Variants in AQP11 observed in about 807,000 individuals in gnomAD.
AQP11 encodes the protein aquaporin-11.
Under a neutral mutation model 21.1 loss-of-function variants are expected in AQP11, and 20 were observed. That is an observed-to-expected ratio of 0.95 (90% CI 0.67 to 1.38). The LOEUF (loss-of-function observed/expected upper bound fraction) is 1.38. Ranked by LOEUF, AQP11 falls within the 40% of genes most tolerant of loss-of-function variation. AQP11 has a pLI of 0.00. For synonymous variants in AQP11, 167 were observed against 150.1 expected, an observed-to-expected ratio of 1.11 and a Z score of -0.82; for missense variants, 339 against 340.4, an observed-to-expected ratio of 1.00 and a Z score of 0.03.
intron 1 of AQP11, among the ~76,000 whole-genome samples, chr11:77,599,713 T>C (rs1052452155): frequency 1.8e-4 from 27 of 151,818 alleles, no homozygotes; most frequent in African/African-American, 6.3e-4. Flanking sequence ...GCCTCCCGAG[T>C]AGCTGGGACC....
chr11:77,594,311 A>G (rs183404684), intron 1 of AQP11, among the ~76,000 whole-genome samples: 4 of 152,212 alleles, frequency 2.6e-5, no homozygotes. Flanking sequence ...CAGGTTTTCT[A>G]ATTTTAAGAC....
At chr11:77,596,501 T>TATATATGTGTAAATATATATGTAA (rs1554976410) in intron 1 of AQP11, among the ~76,000 whole-genome samples, 5 of 116,636 alleles carry the variant, frequency 4.3e-5, no homozygotes, top group Non-Finnish European at 6.7e-5. Flanking sequence ...TATGTGTAAA[T>TATATATGTGTAAATATATATGTAA]ATATATGTGT....
chr11:77,606,342 A>C (rs375452198), intron 2 of AQP11, among the ~76,000 whole-genome samples: 1 of 152,312 alleles, frequency 6.6e-6, no homozygotes, highest in South Asian at 2.1e-4. Flanking sequence ...CTCACGATAG[A>C]TAAAAAAGGA....
chr11:77,599,915 C>T (rs1392766479), intron 1 of AQP11, among the ~76,000 whole-genome samples: 2 of 152,032 alleles, frequency 1.3e-5, no homozygotes, highest in Middle Eastern at 3.4e-3. Context: ...ATTTACTATA[C>T]ATATAGATAA....
Position 77,590,212 on chromosome 11 carries a change from CA to C in AQP11, c.221del (p.His74ProfsTer6). 3.1e-6 allele frequency: 5 copies of C among 1,593,968 alleles called. No homozygotes were observed. The highest frequency in any genetic ancestry group is 4.3e-6 in the Non-Finnish European group (5 of 1,170,390). ...ACTGCTGAGCGAACAGCACCCCGCGCACCCCACCTGGACGCTGACGCTCGTC... is the reference window on the plus strand; with the variant it reads ...ACTGCTGAGCGAACAGCACCCCGCGCCCCCACCTGGACGCTGACGCTCGTC... ...LQLLSEQHPA[H>X]PTWTLTLVYF... On this transcript the variant is annotated frameshift_variant, in exon 1 of 3. Coordinates refer to ENST00000313578, the MANE Select transcript of AQP11 (RefSeq NM_173039.3). LOFTEE classifies it high-confidence loss of function.
chr11:77,596,552 ATATATATATATG>A (rs1305870846), intron 1 of AQP11, among the ~76,000 whole-genome samples: 1 of 127,034 alleles, frequency 7.9e-6, no homozygotes, highest in African/African-American at 3.2e-5. Context: ...ATATATATAT[ATATATATATATG>A]TATGTAATGG....
chr11:77,590,265 G>A lies in AQP11; in HGVS notation c.273G>A (p.Leu91=). Residue 91 remains leucine, a synonymous_variant, in exon 1 of 3, where the codon CTG becomes CTA. Transcript: ENST00000313578. Reference sequence around the variant, plus strand: ...ACTTCTTCTCGCTTGTGCATGGCCTGACTCTGGTGGGCACGTCCAGCAACC... The same window carrying A: ...ACTTCTTCTCGCTTGTGCATGGCCTAACTCTGGTGGGCACGTCCAGCAACC... ...LVYFFSLVHG[L]TLVGTSSNPC... 2 of 1,602,938 alleles carry A rather than the reference G, an allele frequency of 1.2e-6. No homozygotes were observed. Among genetic ancestry groups the A allele is most frequent in the Admixed American group, 1.7e-5 (1 of 59,312 alleles).
At chr11:77,605,150 A>G (rs1958836712) in intron 2 of AQP11, among the ~76,000 whole-genome samples, 2 of 152,164 alleles carry the variant, frequency 1.3e-5, no homozygotes, top group South Asian at 4.1e-4. Flanking sequence ...CTGAGATCGC[A>G]CCACTGCACT....
At chr11:77,596,560 A>ATATATG (rs1554976434) in intron 1 of AQP11, among the ~76,000 whole-genome samples, 1 of 133,090 alleles carries the variant, frequency 7.5e-6, no homozygotes, top group Non-Finnish European at 1.6e-5. Context: ...ATATATATAT[A>ATATATG]TATGTATGTA....
At chr11:77,604,461 G>A (rs954777886) in intron 2 of AQP11, among the ~76,000 whole-genome samples, 2 of 152,136 alleles carry the variant, frequency 1.3e-5, no homozygotes, top group African/African-American at 2.4e-5. Context: ...AAAGTTATCA[G>A]CATTTATTGA....
chr11:77,609,231 T>C (rs1958863448), intron 2 of AQP11, 67 bp from the exon 3 acceptor site: 6 of 1,203,894 alleles, frequency 5.0e-6, no homozygotes, highest in Non-Finnish European at 2.4e-6. Context: ...TTTTAAAATA[T>C]ACCCACCTAG....
Position 77,590,320 on chromosome 11 carries a change from G to T in AQP11, c.328G>T (p.Gly110Trp). 1 of 1,609,878 alleles carries T rather than the reference G, an allele frequency of 6.2e-7. No homozygotes were observed. Among genetic ancestry groups the T allele is most frequent in the Admixed American group, 1.7e-5 (1 of 59,852 alleles). ...CGGCGTGATGATGCAGATGATGCTG[G>T]GGGGCATGTCCCCCGAGACGGGTGC... Reference protein sequence around the residue: ...PCGVMMQMMLGGMSPETGAVR... With the variant: ...PCGVMMQMMLWGMSPETGAVR... Residue 110 changes from glycine to tryptophan, a missense_variant, in exon 1 of 3, where the codon GGG becomes TGG. Transcript: ENST00000313578.
chr11:77,595,280 G>T (rs1159570193), intron 1 of AQP11, among the ~76,000 whole-genome samples: 1 of 152,154 alleles, frequency 6.6e-6, no homozygotes, highest in Non-Finnish European at 1.5e-5. Context: ...GGCAGAGGTT[G>T]CAGTGAGCTG....
intron 1 of AQP11, among the ~76,000 whole-genome samples, chr11:77,593,514 G>GT (rs1207670687): frequency 1.3e-5 from 2 of 152,138 alleles, no homozygotes; most frequent in African/African-American, 4.8e-5. Context: ...GCGGGTGCCT[G>GT]TAGTCCCAGC....
chr11:77,592,998 T>C (rs1958757844), intron 1 of AQP11, among the ~76,000 whole-genome samples: 1 of 152,188 alleles, frequency 6.6e-6, no homozygotes, highest in Non-Finnish European at 1.5e-5. Flanking sequence ...GCTTTAGGAG[T>C]CTAGACCTGC....
chr11:77,604,922 A>C (rs1958835303), intron 2 of AQP11, among the ~76,000 whole-genome samples: 1 of 152,218 alleles, frequency 6.6e-6, no homozygotes, highest in Admixed American at 6.5e-5. Context: ...GGCCGGGCGC[A>C]GTGGCTCACG....
intron 1 of AQP11, chr11:77,591,302 T>C (rs1958746173): frequency 2.0e-6 from 2 of 984,848 alleles, no homozygotes; most frequent in Non-Finnish European, 2.4e-6. Context: ...TTTGTTTACT[T>C]TGACAGATCT....
At chr11:77,609,002 T>C (rs1174722874) in intron 2 of AQP11, among the ~76,000 whole-genome samples, 1 of 152,216 alleles carries the variant, frequency 6.6e-6, no homozygotes, top group Non-Finnish European at 1.5e-5. Flanking sequence ...TAGTTTATCC[T>C]TTGAATTCAT....
chr11:77,600,627 C>T (rs1378463648), intron 1 of AQP11, among the ~76,000 whole-genome samples: 2 of 152,186 alleles, frequency 1.3e-5, no homozygotes, highest in African/African-American at 4.8e-5. Flanking sequence ...TTTCAAAACA[C>T]TGCATGATAT....
Sources: gnomAD v4.1 joint callset for allele counts (sites outside exome capture counted in the v4.1 genomes callset) on GRCh38, gnomAD v4.1.1 for gene constraint, MANE v1.5 for transcripts, NCBI Gene and HGNC (gene_info 2026-07-23, HGNC 2026-07-21) for gene names.